Variants in DNAAF11 observed in about 807,000 individuals in gnomAD.
DNAAF11 encodes leucine rich repeat containing 6.
A neutral mutation model predicts 60.8 loss-of-function variants in DNAAF11; 45 were observed. That is an observed-to-expected ratio of 0.74 (90% CI 0.58 to 0.95). The LOEUF is 0.95. Among genes scored for constraint, DNAAF11 ranks in the 40% least tolerant of loss-of-function variants. The pLI is 0.00. For synonymous variants in DNAAF11, 191 were observed against 183.5 expected (o/e 1.04, Z -0.33); for missense variants, 546 against 546.2 (o/e 1.00, Z 0.00).
At position 132,625,704 on chromosome 8, in the gene DNAAF11, G is replaced by A. The variant is rs2293981; in HGVS notation, c.654-250C>T. ...GCAGGCCTTCATCTTCTATCATCAG[G>A]AATATTGCTGTAATCAGATTCCAGG... On this transcript the variant is annotated intron_variant, in intron 5 of 11. Transcript: ENST00000620350. Among the ~76,000 whole-genome samples, 13,461 of 152,152 alleles carry A rather than the reference G, an allele frequency of 0.088. 1,665 individuals are homozygous for A. The highest frequency in any genetic ancestry group is 0.28 in the African/African-American group (11,456 of 41,456).
intron 10 of DNAAF11, among the ~76,000 whole-genome samples, chr8:132,609,680 G>A (rs2129943692): frequency 6.6e-6 from 1 of 152,150 alleles, no homozygotes; most frequent in East Asian, 1.9e-4. Flanking sequence ...CACTGCTAGT[G>A]CACATCTTAT....
At position 132,610,161 on chromosome 8, in the gene DNAAF11, C is replaced by A; in HGVS notation, c.1140+5G>T. On this transcript the variant is annotated splice_donor_5th_base_variant and intron_variant, in intron 10 of 11. Coordinates refer to ENST00000620350, the MANE Select transcript of DNAAF11 (RefSeq NM_012472.6). ...CTTGAAATTGACCCAAATGACATGA[C>A]CTACCTTGGGCATGCAGATGACCAA... 6.2e-7 allele frequency: 1 copy of A among 1,610,464 alleles called. No homozygotes were observed. Among genetic ancestry groups the A allele is most frequent in the Non-Finnish European group, 8.5e-7 (1 of 1,176,760 alleles).
chr8:132,691,160 T>TAGGAGAAGAG, the DNAAF11 span, among the ~76,000 whole-genome samples: 1 of 152,194 alleles, frequency 6.6e-6, no homozygotes, highest in African/African-American at 2.4e-5. Flanking sequence ...TTCTTCTCCA[T>TAGGAGAAGAG]TAACTTAGTT....
intron 10 of DNAAF11, among the ~76,000 whole-genome samples, chr8:132,605,043 A>G (rs1817998940): frequency 6.6e-6 from 1 of 152,212 alleles, no homozygotes; most frequent in South Asian, 2.1e-4. Flanking sequence ...CTAGCAATGA[A>G]TAATATTAAC....
At chr8:132,674,932 A>G (rs1825638386) in intron 1 of DNAAF11, among the ~76,000 whole-genome samples, 1 of 152,214 alleles carries the variant, frequency 6.6e-6, no homozygotes, top group Admixed American at 6.5e-5. Context: ...ACTGTGTCTA[A>G]AACAGTAGTA....
At chr8:132,636,450 C>T (rs1216746334) in intron 4 of DNAAF11, among the ~76,000 whole-genome samples, 2 of 152,166 alleles carry the variant, frequency 1.3e-5, no homozygotes, top group Admixed American at 6.5e-5. Flanking sequence ...TGAGCCCTGA[C>T]TTCCTCATCT....
At chr8:132,578,392 G>A (rs888202515) in intron 11 of DNAAF11, 93 of 1,409,660 alleles carry the variant, frequency 6.6e-5, no homozygotes, top group Non-Finnish European at 8.2e-5. Context: ...AACAAAGTGG[G>A]GAGGGGCCTT....
chr8:132,682,054 G>A, the DNAAF11 span, among the ~76,000 whole-genome samples: 1 of 152,166 alleles, frequency 6.6e-6, no homozygotes, highest in Non-Finnish European at 1.5e-5. Flanking sequence ...AGATGTGAAG[G>A]TTTTAAAACA....
chr8:132,670,838 T>C (rs1825118717), intron 1 of DNAAF11, among the ~76,000 whole-genome samples: 1 of 152,116 alleles, frequency 6.6e-6, no homozygotes, highest in Non-Finnish European at 1.5e-5. Flanking sequence ...ACAATATTAA[T>C]AAACTAACAA....
At chr8:132,580,642 A>C (rs1254065033) in intron 11 of DNAAF11, among the ~76,000 whole-genome samples, 1 of 152,254 alleles carries the variant, frequency 6.6e-6, no homozygotes, top group African/African-American at 2.4e-5. Context: ...AAAATATCAT[A>C]CACCTAAAAA....
At chr8:132,664,610 C>A (rs950822704) in intron 1 of DNAAF11, among the ~76,000 whole-genome samples, 3 of 151,898 alleles carry the variant, frequency 2.0e-5, no homozygotes, top group Admixed American at 2.0e-4. Context: ...TACAGGCATG[C>A]GCCACCACAC....
chr8:132,649,330 A>G (rs1323925606), intron 3 of DNAAF11, among the ~76,000 whole-genome samples: 1 of 152,232 alleles, frequency 6.6e-6, no homozygotes, highest in African/African-American at 2.4e-5. Flanking sequence ...GAAAGCTGAA[A>G]CTGGATCCCT....
chr8:132,612,900 A>G (rs892268657), intron 8 of DNAAF11, among the ~76,000 whole-genome samples: 1 of 152,178 alleles, frequency 6.6e-6, no homozygotes, highest in African/African-American at 2.4e-5. Flanking sequence ...TAAAATGCAC[A>G]TGCATGGGAA....
intron 10 of DNAAF11, among the ~76,000 whole-genome samples, chr8:132,595,973 T>A (rs1358940586): frequency 6.6e-6 from 1 of 152,110 alleles, no homozygotes; most frequent in Non-Finnish European, 1.5e-5. Context: ...ACCCGCAAGA[T>A]GTAGTTAAGC....
chr8:132,585,307 TA>T (rs1194177116), intron 10 of DNAAF11, among the ~76,000 whole-genome samples: 6 of 152,178 alleles, frequency 3.9e-5, no homozygotes, highest in African/African-American at 1.4e-4. Context: ...TTATATTTTG[TA>T]AAAATGCAAC....
chr8:132,690,015 C>T, the DNAAF11 span, among the ~76,000 whole-genome samples: 1 of 152,156 alleles, frequency 6.6e-6, no homozygotes, highest in Non-Finnish European at 1.5e-5. Flanking sequence ...ACACTTGACT[C>T]ATATTTTTAA....
chr8:132,577,298 C>T (rs2738432), intron 11 of DNAAF11, among the ~76,000 whole-genome samples: 1 of 152,220 alleles, frequency 6.6e-6, no homozygotes, highest in Non-Finnish European at 1.5e-5. Context: ...GTCTTAACTG[C>T]TAAGCTGCCG....
intron 7 of DNAAF11, 75 bp downstream of exon 7, chr8:132,622,536 G>T: frequency 9.2e-7 from 1 of 1,084,096 alleles, no homozygotes; most frequent in Non-Finnish European, 1.4e-6. Flanking sequence ...AGCAAACCTG[G>T]AATTGAAACA....
intron 1 of DNAAF11, among the ~76,000 whole-genome samples, chr8:132,662,563 G>A (rs1824242288): frequency 6.6e-6 from 1 of 152,178 alleles, no homozygotes; most frequent in Admixed American, 6.5e-5. Context: ...CTTACAAGGT[G>A]CCAGGTAGTA....
Sources: gnomAD v4.1 joint callset for allele counts (sites outside exome capture counted in the v4.1 genomes callset) on GRCh38, gnomAD v4.1.1 for gene constraint, MANE v1.5 for transcripts, NCBI Gene and HGNC (gene_info 2026-07-23, HGNC 2026-07-21) for gene names.